BCAP29: variants seen among roughly 807,000 people sequenced by gnomAD.
BCAP29 encodes the protein B cell receptor associated protein 29, also known as B-cell receptor-associated protein 29.
In BCAP29, 34 loss-of-function variants were observed where a neutral mutation model predicts 31.8. The ratio of observed to expected loss-of-function variants is 1.07; its 90% confidence interval spans 0.81 to 1.42. The LOEUF (loss-of-function observed/expected upper bound fraction) is 1.42. Ranked by LOEUF, BCAP29 falls within the 40% of genes most tolerant of loss-of-function variation. The pLI is 0.00. For synonymous variants in BCAP29, 104 were observed against 91.3 expected, an observed-to-expected ratio of 1.14 and a Z score of -0.79; for missense variants, 314 against 269.2, an observed-to-expected ratio of 1.17 and a Z score of -1.16.
intron 5 of BCAP29, among the ~76,000 whole-genome samples, 196 bp downstream of exon 5, chr7:107,596,198 C>T (rs900206962): frequency 6.6e-6 from 1 of 151,980 alleles, no homozygotes; most frequent in Admixed American, 6.6e-5. Flanking sequence ...AATATTTTTA[C>T]TATTATTTAG....
rs1408906346 is a variant in BCAP29, at chr7:107,600,429, T to G, written c.513T>G (p.Cys171Trp). ...AAAGCCATGGTAAAGATGAAGAATG[T>G]GTTTTGGAAGCAGAAAATAAAAAAC... Reference protein sequence around the residue: ...ILKSHGKDEECVLEAENKKLV... With the variant: ...ILKSHGKDEEWVLEAENKKLV... Residue 171 changes from cysteine to tryptophan, a missense_variant, in exon 6 of 8, where the codon TGT becomes TGG. By Grantham distance (215) the Cys-to-Trp change is radical. Coordinates refer to ENST00000005259, the MANE Select transcript of BCAP29 (RefSeq NM_018844.4). 1.9e-6 allele frequency: 3 copies of G among 1,609,970 alleles called. No homozygotes were observed. Among genetic ancestry groups the G allele is most frequent in the Non-Finnish European group, 2.5e-6 (3 of 1,177,306 alleles).
chr7:107,617,347 G>A (rs1365666420), intron 7 of BCAP29, among the ~76,000 whole-genome samples: 3 of 152,082 alleles, frequency 2.0e-5, no homozygotes, highest in Non-Finnish European at 4.4e-5. Flanking sequence ...ATCCCAATTT[G>A]CATCTTTTAA....
chr7:107,602,149 A>G (rs1421298988), intron 6 of BCAP29, among the ~76,000 whole-genome samples: 1 of 152,234 alleles, frequency 6.6e-6, no homozygotes, highest in Non-Finnish European at 1.5e-5. Flanking sequence ...CTGCAGAGCT[A>G]CTTTCAAAGT....
intron 7 of BCAP29, chr7:107,615,116 T>C (rs1813877464): frequency 2.3e-6 from 1 of 430,950 alleles, no homozygotes; most frequent in Non-Finnish European, 4.7e-6. Context: ...CCAGTGTCCA[T>C]TGTTGAATGT....
chr7:107,580,695 T>C, intron 1 of BCAP29, 64 bp from the exon 2 acceptor site: 1 of 1,155,168 alleles, frequency 8.7e-7, no homozygotes, highest in Non-Finnish European at 1.3e-6. Flanking sequence ...ACGCTGCGCC[T>C]CGGGGCCTTG....
chr7:107,582,464 C>T lies in BCAP29; in HGVS notation c.93-1418C>T, dbSNP rs1806874167. 2.6e-5 allele frequency among the ~76,000 whole-genome samples: 4 copies of T among 152,214 alleles called. No individual in the cohort carries two copies. In the South Asian group the frequency reaches 8.3e-4, roughly 32 times the overall value. ...ACCATAATCTTTAAAGAAAATATTT[C>T]ATCATTTAGTCTCTATTATTTTCTT... On this transcript the variant is annotated intron_variant, in intron 2 of 7. Transcript: ENST00000005259.
In BCAP29 at chr7:107,618,710, C is replaced by T; in HGVS notation, c.*347C>T. The T allele has an allele frequency of 1.2e-6, 1 of 844,878 alleles. No individual in the cohort carries two copies. The highest frequency in any genetic ancestry group is 1.8e-6 in the Non-Finnish European group (1 of 559,566). 52.3% of individuals were successfully genotyped at this position (844,878 alleles called of 1,614,324 possible). On this transcript the variant is annotated 3_prime_UTR_variant, in exon 8 of 8. Transcript: ENST00000005259. ...TTAAGTTGCATGAAACCATTAATAG[C>T]CTTGAAAGCTTTGATAAGTTTTCAG...
At chr7:107,617,075 C>T (rs903974667) in intron 7 of BCAP29, among the ~76,000 whole-genome samples, 1 of 152,092 alleles carries the variant, frequency 6.6e-6, no homozygotes, top group Non-Finnish European at 1.5e-5. Flanking sequence ...CTTTAATGTT[C>T]GTCTGAGCCC....
intron 4 of BCAP29, among the ~76,000 whole-genome samples, chr7:107,594,822 C>G (rs1809523106): frequency 6.6e-6 from 1 of 152,042 alleles, no homozygotes; most frequent in African/African-American, 2.4e-5. Flanking sequence ...TTTATAACAT[C>G]TTTGTAAAAG....
In BCAP29 at chr7:107,619,806, G is replaced by T. The variant is rs903351834; in HGVS notation, c.*1443G>T. 65 of 152,122 alleles carry T rather than the reference G, an allele frequency of 4.3e-4. No individual in the cohort carries two copies. The highest frequency in any genetic ancestry group is 1.5e-3 in the African/African-American group (61 of 41,434). The allele number at this position is 152,122 out of a possible 1,614,324, so 9.4% of individuals were successfully genotyped here. The stretch of plus-strand genomic sequence containing the variant: ...TAGATATTGAGTGCTTGGAATCCTA[G>T]CCTACTATGTGAAAATTAAGTCTAA... On this transcript the variant is annotated 3_prime_UTR_variant, in exon 8 of 8. Transcript: ENST00000005259.
chr7:107,583,297 GTT>G (rs201547635), intron 2 of BCAP29, among the ~76,000 whole-genome samples: 5 of 149,470 alleles, frequency 3.3e-5, no homozygotes, highest in African/African-American at 1.3e-4. Flanking sequence ...TAATTACATG[GTT>G]TTATATATAT....
At chr7:107,605,759 A>T (rs955476503) in intron 6 of BCAP29, among the ~76,000 whole-genome samples, 8 of 152,216 alleles carry the variant, frequency 5.3e-5, no homozygotes, top group African/African-American at 1.9e-4. Context: ...CCATACCTAG[A>T]TATGCATGTT....
chr7:107,592,291 T>G lies in BCAP29; in HGVS notation c.194-1664T>G, dbSNP rs980949735. Among the ~76,000 whole-genome samples the G allele has an allele frequency of 6.6e-5, 10 of 152,186 alleles. 1 individual carries two copies. The highest frequency in any genetic ancestry group is 6.5e-5 in the Admixed American group (1 of 15,276). Reference sequence around the variant, plus strand: ...AATGGGTAAAGGATCTGAATAGATATTTTTCCAAAGATGATATACAAATGA... The same window carrying G: ...AATGGGTAAAGGATCTGAATAGATAGTTTTCCAAAGATGATATACAAATGA... On this transcript the variant is annotated intron_variant, in intron 3 of 7. Transcript: ENST00000005259.
chr7:107,595,934 A>G lies in BCAP29; in HGVS notation c.412A>G (p.Lys138Glu), dbSNP rs765481960. The change falls in exon 5 of 8, where the codon AAA becomes GAA. Residue 138 changes from lysine (K) to glutamate (E), a missense_variant. Lys to Glu is a moderately conservative substitution (Grantham distance 56, BLOSUM62 1). Transcript: ENST00000005259. ...AKELSNKGVL[K>E]TQAENTNKAA... is the part of the protein sequence containing the mutation. ...AGAACTGTCAAACAAAGGTGTACTT[A>G]AAACTCAAGCAGAAAATACTAACAA... The G allele has an allele frequency of 1.2e-6, 2 of 1,600,018 alleles. No individual in the cohort carries two copies. Among genetic ancestry groups the G allele is most frequent in the East Asian group, 4.5e-5 (2 of 44,260 alleles).
At chr7:107,612,119 T>A (rs1813232706) in intron 6 of BCAP29, among the ~76,000 whole-genome samples, 1 of 152,032 alleles carries the variant, frequency 6.6e-6, no homozygotes, top group South Asian at 2.1e-4. Flanking sequence ...ACCTATAATT[T>A]TATTTCATTG....
chr7:107,617,627 C>T (rs1348182035), intron 7 of BCAP29, among the ~76,000 whole-genome samples: 5 of 152,080 alleles, frequency 3.3e-5, no homozygotes, highest in Non-Finnish European at 7.4e-5. Flanking sequence ...CAAAAGGGGG[C>T]CACATATGTA....
intron 5 of BCAP29, among the ~76,000 whole-genome samples, chr7:107,597,837 G>A (rs555792842): frequency 1.7e-4 from 26 of 152,208 alleles, no homozygotes; most frequent in Non-Finnish European, 3.4e-4. Flanking sequence ...CTGATATTCA[G>A]TTAAAGAAAT....
chr7:107,616,193 C>T (rs1814096187), intron 7 of BCAP29: 2 of 152,424 alleles, frequency 1.3e-5, no homozygotes, highest in South Asian at 4.1e-4. Flanking sequence ...AGGGGAAAGC[C>T]AGGGATTTCT....
At chr7:107,605,789 A>G (rs546241906) in intron 6 of BCAP29, among the ~76,000 whole-genome samples, 1 of 152,302 alleles carries the variant, frequency 6.6e-6, no homozygotes, top group African/African-American at 2.4e-5. Context: ...CCTTCATGGT[A>G]AATACTTTTC....
Sources: gnomAD v4.1 joint callset for allele counts (sites outside exome capture counted in the v4.1 genomes callset) on GRCh38, gnomAD v4.1.1 for gene constraint, MANE v1.5 for transcripts, NCBI Gene and HGNC (gene_info 2026-07-23, HGNC 2026-07-21) for gene names.